KIF26B: variants seen among roughly 807,000 people sequenced by gnomAD.
KIF26B encodes the protein kinesin family member 26B, also known as kinesin-like protein KIF26B.
KIF26B carries 63 observed loss-of-function variants against 151.2 expected under a neutral mutation model. The observed-to-expected ratio is 0.42, with a 90% CI of 0.34 to 0.51. The LOEUF (loss-of-function observed/expected upper bound fraction) is 0.51. Ranked by LOEUF, KIF26B falls within the 20% of genes least tolerant of loss-of-function variation. The pLI is 0.07. For missense variants in KIF26B, 2,813 were observed against 2,913.6 expected, an observed-to-expected ratio of 0.97 and a Z score of 0.79; for synonymous variants, 1,357 against 1,262.1, an observed-to-expected ratio of 1.08 and a Z score of -1.59.
chr1:245,287,816 G>C (rs1671193255), intron 2 of KIF26B, among the ~76,000 whole-genome samples: 2 of 152,048 alleles, frequency 1.3e-5, no homozygotes, highest in South Asian at 4.2e-4. Flanking sequence ...TCTCTTTACT[G>C]ACACGTGCCC....
At chr1:245,599,342 C>T (rs896262089) in intron 5 of KIF26B, among the ~76,000 whole-genome samples, 4 of 152,326 alleles carry the variant, frequency 2.6e-5, no homozygotes, top group South Asian at 2.1e-4. Context: ...TCCCCCAGCT[C>T]GGAGCTCAGT....
At chr1:245,658,330 C>T (rs2044096888) in intron 10 of KIF26B, among the ~76,000 whole-genome samples, 1 of 152,154 alleles carries the variant, frequency 6.6e-6, no homozygotes, top group Admixed American at 6.6e-5. Context: ...TTAATCGAAC[C>T]TATTTCTGCT....
intron 2 of KIF26B, among the ~76,000 whole-genome samples, chr1:245,334,429 G>A (rs1005514573): frequency 4.6e-5 from 7 of 152,186 alleles, no homozygotes; most frequent in Non-Finnish European, 8.8e-5. Flanking sequence ...TGCCACCTAG[G>A]TCTTTACTGC....
intron 3 of KIF26B, among the ~76,000 whole-genome samples, chr1:245,413,819 G>A (rs2103033163): frequency 6.6e-6 from 1 of 152,288 alleles, no homozygotes; most frequent in African/African-American, 2.4e-5. Flanking sequence ...AGAGTGGAGG[G>A]AGGGAGATGG....
rs113300326 is a variant in KIF26B, at chr1:245,577,888, G to C, written c.1351-24689G>C. ...TGCATCCCCTCACCGGAAGAGCTTT[G>C]TGGAACTCCGGGCGATGCTTCCCCT... On this transcript the variant is annotated intron_variant, in intron 5 of 14. Coordinates refer to ENST00000407071, the MANE Select transcript of KIF26B (RefSeq NM_018012.4). Among the ~76,000 whole-genome samples the C allele has an allele frequency of 6.6e-4, 100 of 151,852 alleles. No individual in the cohort carries two copies. In the Middle Eastern group the frequency reaches 0.01, roughly 15 times the overall value.
At chr1:245,393,489 G>T (rs1484638222) in intron 3 of KIF26B, among the ~76,000 whole-genome samples, 1 of 151,700 alleles carries the variant, frequency 6.6e-6, no homozygotes, top group Non-Finnish European at 1.5e-5. Flanking sequence ...CTTCTCTTTT[G>T]TATCATATGT....
In KIF26B at chr1:245,426,598, C is replaced by G. The variant is rs1399076008; in HGVS notation, c.1166+6853C>G. On this transcript the variant is annotated intron_variant, in intron 4 of 14. Transcript: ENST00000407071. ...TTCTTCAGTCCTCTTGAGCATGTCA[C>G]TGACTGTTGTATGACTGATTTGACC... Among the ~76,000 whole-genome samples the G allele has an allele frequency of 2.0e-5, 3 of 152,338 alleles. No homozygotes were observed. The East Asian group carries it at 5.8e-4, about 29-fold the overall frequency.
rs146668922 is a variant in KIF26B, at chr1:245,450,996, C to T, written c.1166+31251C>T. 8.6e-5 allele frequency among the ~76,000 whole-genome samples: 13 copies of T among 152,038 alleles called. 1 individual carries two copies. Among genetic ancestry groups the T allele is most frequent in the South Asian group, 6.2e-4 (3 of 4,832 alleles). On this transcript the variant is annotated intron_variant, in intron 4 of 14. Transcript: ENST00000407071. ...TGTCTTCCTATGGAAATGAATTCCTCGTGCCCACGGCCATTACATTTCCTA... is the reference window on the plus strand; with the variant it reads ...TGTCTTCCTATGGAAATGAATTCCTTGTGCCCACGGCCATTACATTTCCTA...
At chr1:245,466,382 C>T (rs1659793409) in intron 4 of KIF26B, among the ~76,000 whole-genome samples, 1 of 152,120 alleles carries the variant, frequency 6.6e-6, no homozygotes, top group Non-Finnish European at 1.5e-5. Flanking sequence ...AAGAAAGGAT[C>T]TGGTGAAGGA....
At chr1:245,158,865 T>TG (rs199664060) in intron 2 of KIF26B, among the ~76,000 whole-genome samples, 1 of 58,252 alleles carries the variant, frequency 1.7e-5, no homozygotes, top group Non-Finnish European at 3.9e-5. Flanking sequence ...TGTGTGTGTG[T>TG]GTGTGGTGTG....
At chr1:245,370,839 TG>T (rs1241831962) in intron 3 of KIF26B, 1 of 359,240 alleles carries the variant, frequency 2.8e-6, no homozygotes, top group Non-Finnish European at 5.5e-6. Context: ...GAGAATTTAC[TG>T]TACAAGTATT....
chr1:245,679,739 G>A (rs900677976), intron 10 of KIF26B, among the ~76,000 whole-genome samples: 1 of 152,174 alleles, frequency 6.6e-6, no homozygotes, highest in African/African-American at 2.4e-5. Flanking sequence ...AAAGTGTGGG[G>A]ATTACAGGCG....
At chr1:245,539,798 ATG>A (rs1661566623) in intron 4 of KIF26B, among the ~76,000 whole-genome samples, 2 of 152,028 alleles carry the variant, frequency 1.3e-5, no homozygotes, top group African/African-American at 4.8e-5. Flanking sequence ...GATTACAGGC[ATG>A]CACCACCACA....
At chr1:245,202,778 A>G (rs78976750) in intron 2 of KIF26B, among the ~76,000 whole-genome samples, 1 of 148,876 alleles carries the variant, frequency 6.7e-6, no homozygotes, top group Admixed American at 6.7e-5. Context: ...AAAAAAAAAA[A>G]AATACACACA....
chr1:245,364,977 G>A (rs1358863293), intron 2 of KIF26B, among the ~76,000 whole-genome samples: 2 of 152,214 alleles, frequency 1.3e-5, no homozygotes, highest in Non-Finnish European at 2.9e-5. Context: ...TTCTGTGTCC[G>A]TGGGAAAATA....
chr1:245,309,989 T>G (rs370305776), intron 2 of KIF26B, among the ~76,000 whole-genome samples: 182 of 147,676 alleles, frequency 1.2e-3, no homozygotes, highest in Middle Eastern at 3.6e-3. Context: ...CAGAGAACTC[T>G]GGCCAATACA....
chr1:245,461,389 C>A (rs1214568109), intron 4 of KIF26B, among the ~76,000 whole-genome samples: 1 of 151,904 alleles, frequency 6.6e-6, no homozygotes. Context: ...CCAAGCAATG[C>A]CCCCACCTCA....
chr1:245,313,035 T>A (rs1190878376), intron 2 of KIF26B, among the ~76,000 whole-genome samples: 2 of 152,102 alleles, frequency 1.3e-5, no homozygotes, highest in Non-Finnish European at 2.9e-5. Flanking sequence ...GGTGCGCACC[T>A]GTAGTCCCAG....
At chr1:245,269,439 A>G (rs1670809719) in intron 2 of KIF26B, among the ~76,000 whole-genome samples, 1 of 151,630 alleles carries the variant, frequency 6.6e-6, no homozygotes, top group South Asian at 2.1e-4. Context: ...AGGTTCATTC[A>G]TATTGTAGTG....
Sources: gnomAD v4.1 joint callset for allele counts (sites outside exome capture counted in the v4.1 genomes callset) on GRCh38, gnomAD v4.1.1 for gene constraint, MANE v1.5 for transcripts, NCBI Gene and HGNC (gene_info 2026-07-23, HGNC 2026-07-21) for gene names.